LPCAT2: variants seen among roughly 807,000 people sequenced by gnomAD.
LPCAT2 encodes the protein lysophosphatidylcholine acyltransferase 2, also known as 1-AGP acyltransferase 11.
Under a neutral mutation model 64.7 loss-of-function variants are expected in LPCAT2, and 58 were observed. The ratio of observed to expected loss-of-function variants is 0.90; its 90% CI spans 0.73 to 1.12. The LOEUF (loss-of-function observed/expected upper bound fraction) is 1.12. Ranked by LOEUF, LPCAT2 falls within the 50% of genes most tolerant of loss-of-function variation. The pLI is 0.00. For synonymous variants in LPCAT2, 252 were observed against 245.3 expected, an observed-to-expected ratio of 1.03 and a Z score of -0.26; for missense variants, 579 against 669.8, an observed-to-expected ratio of 0.86 and a Z score of 1.50.
At chr16:55,567,093 G>C (rs1287651738) in intron 11 of LPCAT2, 3 of 1,613,670 alleles carry the variant, frequency 1.9e-6, no homozygotes, top group Non-Finnish European at 2.5e-6. Flanking sequence ...TAAGCACAAA[G>C]ATCTTAAGAC....
chr16:55,579,201 T>C lies in LPCAT2; in HGVS notation c.1407T>C (p.Ser469=). ...ASLGVPDLDV[S]GLFKEIAQGD... ...TTGGAGTGCCTGACCTTGATGTTTCTGGTCTCTTCAAGGAAATAGCCCAAG... is the reference window on the plus strand; with the variant it reads ...TTGGAGTGCCTGACCTTGATGTTTCCGGTCTCTTCAAGGAAATAGCCCAAG... The change falls in exon 13 of 14, where the codon TCT becomes TCC. Residue 469 remains serine, a synonymous_variant. Coordinates refer to ENST00000262134, the MANE Select transcript of LPCAT2 (RefSeq NM_017839.5). The C allele has an allele frequency of 1.2e-6, 2 of 1,613,522 alleles. No individual in the cohort carries two copies. Among genetic ancestry groups the C allele is most frequent in the South Asian group, 2.2e-5 (2 of 91,054 alleles).
intron 8 of LPCAT2, among the ~76,000 whole-genome samples, chr16:55,543,760 G>A (rs7195129): frequency 6.6e-6 from 1 of 152,186 alleles, no homozygotes; most frequent in African/African-American, 2.4e-5. Flanking sequence ...AGATCGTTTA[G>A]TTAAATTTTT....
intron 11 of LPCAT2, among the ~76,000 whole-genome samples, chr16:55,561,516 A>G (rs760917661): frequency 6.6e-6 from 1 of 151,912 alleles, no homozygotes; most frequent in Non-Finnish European, 1.5e-5. Context: ...CTTTTATTCT[A>G]TGATGGCTTA....
At chr16:55,567,139 T>C (rs766891009) in intron 11 of LPCAT2, 3 of 1,613,912 alleles carry the variant, frequency 1.9e-6, no homozygotes, top group Middle Eastern at 1.6e-4. Flanking sequence ...CGGAGCATTG[T>C]GTCTGTCATG....
At chr16:55,518,807 G>A (rs1963050413) in intron 1 of LPCAT2, among the ~76,000 whole-genome samples, 1 of 152,140 alleles carries the variant, frequency 6.6e-6, no homozygotes, top group Non-Finnish European at 1.5e-5. Flanking sequence ...AAATGTAAGA[G>A]TTAAAATCAT....
Position 55,529,870 on chromosome 16 carries a change from C to T in LPCAT2, c.565C>T (p.Arg189Cys), listed in dbSNP as rs142700202. The change falls in exon 4 of 14, where the codon CGT becomes TGT. Residue 189 changes from arginine to cysteine, a missense_variant. Transcript: ENST00000262134. ...GGCTGTGCAACCAGTTTTGGTGTCC[C>T]GTGTAGATCCGGATTCCCGAAAAAA... ...LRAVQPVLVS[R>C]VDPDSRKNTI... 26 of 1,611,992 alleles carry T rather than the reference C, an allele frequency of 1.6e-5. No individual in the cohort carries two copies. The highest frequency in any genetic ancestry group is 1.7e-4 in the Middle Eastern group (1 of 6,056).
chr16:55,524,901 C>G (rs116328688), intron 1 of LPCAT2, among the ~76,000 whole-genome samples: 1 of 152,014 alleles, frequency 6.6e-6, no homozygotes, highest in Admixed American at 6.6e-5. Context: ...AGTTACTACA[C>G]GCCAAGTGCT....
intron 1 of LPCAT2, among the ~76,000 whole-genome samples, chr16:55,515,558 A>C (rs534663448): frequency 2.0e-5 from 3 of 152,246 alleles, no homozygotes; most frequent in Non-Finnish European, 4.4e-5. Flanking sequence ...AGGTAACTAC[A>C]TGGGTAGACA....
chr16:55,566,937 C>G (rs769515019), intron 11 of LPCAT2: 1 of 1,613,830 alleles, frequency 6.2e-7, no homozygotes, highest in Non-Finnish European at 8.5e-7. Flanking sequence ...TCCAGAACCG[C>G]CTCCCACTCA....
intron 6 of LPCAT2, among the ~76,000 whole-genome samples, chr16:55,533,391 T>G (rs1429234685): frequency 6.7e-6 from 1 of 149,696 alleles, no homozygotes; most frequent in Non-Finnish European, 1.5e-5. Context: ...CTTAACATCT[T>G]TTTTTGTTTT....
At position 55,509,370 on chromosome 16, in the gene LPCAT2, G is replaced by C; in HGVS notation, c.171+18G>C. On this transcript the variant is annotated intron_variant, in intron 1 of 13. Coordinates refer to ENST00000262134, the MANE Select transcript of LPCAT2 (RefSeq NM_017839.5). ...GGGTCCAGGTGAGGGGCGTGGGTCTGAGGGGAGAGGTGGTCTGAGGGGGGC... is the reference window on the plus strand; with the variant it reads ...GGGTCCAGGTGAGGGGCGTGGGTCTCAGGGGAGAGGTGGTCTGAGGGGGGC... 7.2e-7 allele frequency: 1 copy of C among 1,386,710 alleles called. No homozygotes were observed. 85.9% of individuals were successfully genotyped at this position (1,386,710 alleles called of 1,614,324 possible).
chr16:55,577,912 C>T (rs769010114), intron 12 of LPCAT2, among the ~76,000 whole-genome samples: 27 of 152,250 alleles, frequency 1.8e-4, no homozygotes, highest in Middle Eastern at 3.4e-3. Context: ...ATCTGGCTTC[C>T]GGTCCCCTGA....
intron 8 of LPCAT2, chr16:55,540,145 C>T (rs1438428431): frequency 1.3e-5 from 2 of 152,084 alleles, no homozygotes; most frequent in African/African-American, 2.4e-5. Context: ...CCACCTCTTC[C>T]CAGCCCTCTC....
intron 12 of LPCAT2, among the ~76,000 whole-genome samples, chr16:55,576,417 G>T (rs543264263): frequency 6.6e-6 from 1 of 151,944 alleles, no homozygotes; most frequent in South Asian, 2.1e-4. Flanking sequence ...TAGAATATTA[G>T]TCAAGATTCT....
intron 8 of LPCAT2, chr16:55,545,473 A>C (rs1963442425): frequency 6.9e-6 from 2 of 287,974 alleles, no homozygotes; most frequent in South Asian, 2.6e-4. Context: ...CCTCACAATC[A>C]CCAGGGAAGT....
intron 11 of LPCAT2, chr16:55,567,487 T>C: frequency 6.2e-7 from 1 of 1,613,210 alleles, no homozygotes; most frequent in Non-Finnish European, 8.5e-7. Context: ...TGGCTGCAGT[T>C]GACCATGTAT....
At position 55,579,939 on chromosome 16, in the gene LPCAT2, TGCACTGGACTGAA is replaced by T. The variant is rs545793767; in HGVS notation, c.1450+698_1450+710del. ...CTCAAGTCCACCCATCAAAACAAGT[TGCACTGGACTGAA>T]GCTTCTCTATATTCACAGTGCAGTT... is the stretch of plus-strand genomic sequence containing the variant. On this transcript the variant is annotated intron_variant, in intron 13 of 13. Coordinates refer to ENST00000262134, the MANE Select transcript of LPCAT2 (RefSeq NM_017839.5). 9.1e-3 allele frequency among the ~76,000 whole-genome samples: 1,380 copies of T among 152,292 alleles called. 16 individuals are homozygous for T. Among genetic ancestry groups the T allele is most frequent in the African/African-American group, 0.031 (1,270 of 41,558 alleles).
rs1963733684 is a variant in LPCAT2, at chr16:55,568,526, T to G, written c.1216-6105T>G. Among the ~76,000 whole-genome samples the G allele has an allele frequency of 2.0e-5, 3 of 152,334 alleles. No individual in the cohort carries two copies. In the South Asian group the frequency reaches 6.2e-4, roughly 32 times the overall value. ...AATTATTCTCAGCCCTGGCTGCAAT[T>G]TGGAATCACTGGGAGAGCTCTTTAG... On this transcript the variant is annotated intron_variant, in intron 11 of 13. Transcript: ENST00000262134.
chr16:55,533,406 G>GGTTTTTTTT (rs1183017645), intron 6 of LPCAT2, among the ~76,000 whole-genome samples: 15 of 96,458 alleles, frequency 1.6e-4, no homozygotes, highest in African/African-American at 6.2e-4. Context: ...TGTTTTTCGG[G>GGTTTTTTTT]TTTTTTTTTT....
Sources: allele counts gnomAD v4.1 joint callset (sites outside exome capture counted in the v4.1 genomes callset), GRCh38; gene constraint gnomAD v4.1.1; transcripts MANE v1.5; gene names NCBI Gene and HGNC (gene_info 2026-07-23, HGNC 2026-07-21).